TAOK1: variants seen among roughly 807,000 people sequenced by gnomAD.
TAOK1 encodes serine/threonine-protein kinase TAO1.
Under a neutral mutation model 138.3 loss-of-function variants are expected in TAOK1, and 21 were observed. The observed-to-expected ratio is 0.15, with a 90% CI of 0.11 to 0.22. TAOK1 has a LOEUF of 0.22. TAOK1 is among the 10% of genes least tolerant of loss of function. TAOK1 has a pLI of 1.00. For missense variants in TAOK1, 651 were observed against 1,227.7 expected (o/e 0.53, Z 7.02); for synonymous variants, 361 against 398.4 (o/e 0.91, Z 1.12).
chr17:29,447,660 T>TGTTA (rs2030122632), intron 1 of TAOK1, among the ~76,000 whole-genome samples: 1 of 147,480 alleles, frequency 6.8e-6, no homozygotes, highest in African/African-American at 2.4e-5. Flanking sequence ...TTTTATTTTA[T>TGTTA]TTTTTTTTTT....
At chr17:29,397,626 A>ATACG (rs1555555321) in intron 1 of TAOK1, among the ~76,000 whole-genome samples, 1 of 107,460 alleles carries the variant, frequency 9.3e-6, no homozygotes, top group African/African-American at 4.3e-5. Context: ...ATATATATAT[A>ATACG]TATACATGTA....
At chr17:29,510,513 T>C (rs1177846442) in intron 14 of TAOK1, among the ~76,000 whole-genome samples, 1 of 152,204 alleles carries the variant, frequency 6.6e-6, no homozygotes, top group Non-Finnish European at 1.5e-5. Flanking sequence ...ACAATGAACA[T>C]GTATTGCATA....
chr17:29,492,468 A>T (rs1183227637), intron 10 of TAOK1, among the ~76,000 whole-genome samples: 1 of 152,224 alleles, frequency 6.6e-6, no homozygotes, highest in Non-Finnish European at 1.5e-5. Flanking sequence ...ATTTTAATTC[A>T]TGTGGAACAA....
chr17:29,455,731 T>G (rs937215329), intron 2 of TAOK1, among the ~76,000 whole-genome samples: 2 of 24,338 alleles, frequency 8.2e-5, no homozygotes, highest in African/African-American at 4.6e-4. Flanking sequence ...GATCATGTGT[T>G]TTTTTTTTCC....
intron 10 of TAOK1, among the ~76,000 whole-genome samples, chr17:29,492,627 A>C (rs971184178): frequency 2.0e-5 from 3 of 151,380 alleles, no homozygotes; most frequent in African/African-American, 7.3e-5. Flanking sequence ...CCCCGTCTCT[A>C]CTGAAAATAC....
chr17:29,498,458 G>C lies in TAOK1; in HGVS notation c.1140G>C (p.Glu380Asp), dbSNP rs2153028269. 1 of 1,614,184 alleles carries C rather than the reference G, an allele frequency of 6.2e-7. No homozygotes were observed. Among genetic ancestry groups the C allele is most frequent in the East Asian group, 2.2e-5 (1 of 44,888 alleles). ...SLPDVSDDKS[E>D]LDMMEGDHTV... ...CAGATGTCTCAGATGACAAGAGTGA[G>C]CTAGACATGATGGAGGGAGACCACA... The change falls in exon 12 of 20, where the codon GAG (glutamate) becomes GAC (aspartate). Residue 380 changes from glutamate (E) to aspartate (D), a missense_variant. Physicochemically the swap from Glu to Asp is conservative, Grantham distance 45. Transcript: ENST00000261716.
At chr17:29,463,274 C>CA (rs2030573426) in intron 2 of TAOK1, among the ~76,000 whole-genome samples, 1 of 151,966 alleles carries the variant, frequency 6.6e-6, no homozygotes, top group East Asian at 1.9e-4. Context: ...ATACTATATA[C>CA]AAAAATTAAC....
intron 5 of TAOK1, 29 bp downstream of exon 5, chr17:29,477,735 A>G (rs1196479788): frequency 2.3e-6 from 3 of 1,297,154 alleles, no homozygotes; most frequent in Admixed American, 2.5e-5. Context: ...TTTTTTAAAA[A>G]GTATTCACAG....
chr17:29,454,102 C>T (rs542677900), intron 2 of TAOK1, among the ~76,000 whole-genome samples: 24 of 152,010 alleles, frequency 1.6e-4, no homozygotes, highest in African/African-American at 5.5e-4. Context: ...TAGGTGTGAG[C>T]CACCACACCT....
At chr17:29,504,620 A>G (rs2031598431) in intron 13 of TAOK1, among the ~76,000 whole-genome samples, 1 of 152,124 alleles carries the variant, frequency 6.6e-6, no homozygotes, top group Non-Finnish European at 1.5e-5. Context: ...GAGTGAGCTG[A>G]GATCGCACTA....
intron 12 of TAOK1, among the ~76,000 whole-genome samples, chr17:29,502,047 A>G (rs1180500300): frequency 6.6e-6 from 1 of 152,200 alleles, no homozygotes; most frequent in African/African-American, 2.4e-5. Flanking sequence ...CTCAAACAAC[A>G]AACAAATCAA....
chr17:29,544,768 T>G lies in TAOK1; in HGVS notation c.*1746T>G, dbSNP rs1166279906. ...TTGTCCTGCTCCCTTCCAAGTTGTC[T>G]TGAAGAATCCTTGCTGCTAACTCTG... On this transcript the variant is annotated 3_prime_UTR_variant, in exon 20 of 20. Transcript: ENST00000261716. The G allele has an allele frequency of 6.6e-6, 1 of 152,258 alleles. No individual in the cohort carries two copies. The highest frequency in any genetic ancestry group is 2.4e-5 in the African/African-American group (1 of 41,476). 9.4% of individuals were successfully genotyped at this position (152,258 alleles called of 1,614,324 possible).
intron 18 of TAOK1, 128 bp from the exon 19 acceptor site, chr17:29,533,990 G>C: frequency 1.0e-6 from 1 of 991,048 alleles, no homozygotes; most frequent in Non-Finnish European, 1.4e-6. Flanking sequence ...AGATACAAGA[G>C]AGAAAAATTG....
chr17:29,470,368 A>G (rs1332750333), intron 3 of TAOK1, among the ~76,000 whole-genome samples: 1 of 152,186 alleles, frequency 6.6e-6, no homozygotes, highest in Admixed American at 6.5e-5. Context: ...GTGAACTTTT[A>G]TATATAATAG....
intron 2 of TAOK1, among the ~76,000 whole-genome samples, chr17:29,452,073 C>T (rs1340184691): frequency 8.6e-5 from 13 of 151,884 alleles, no homozygotes; most frequent in South Asian, 4.2e-4. Flanking sequence ...AAACTTAGCC[C>T]GGTGTGGTGG....
At chr17:29,533,684 T>TA (rs2032170252) in intron 18 of TAOK1, among the ~76,000 whole-genome samples, 1 of 151,504 alleles carries the variant, frequency 6.6e-6, no homozygotes, top group Non-Finnish European at 1.5e-5. Flanking sequence ...ACCAAAAAAA[T>TA]ACGAAAACCA....
At chr17:29,467,240 G>T in intron 3 of TAOK1, 24 bp downstream of exon 3, 2 of 1,435,240 alleles carry the variant, frequency 1.4e-6, no homozygotes, top group South Asian at 1.3e-5. Flanking sequence ...GTACATTCTT[G>T]TTTTTTTCTT....
At chr17:29,467,937 C>T (rs1381909311) in intron 3 of TAOK1, among the ~76,000 whole-genome samples, 1 of 151,320 alleles carries the variant, frequency 6.6e-6, no homozygotes, top group Non-Finnish European at 1.5e-5. Context: ...AGCAGTTCCC[C>T]TGCTTCAGCC....
At chr17:29,411,352 A>G (rs1905139559) in intron 1 of TAOK1, among the ~76,000 whole-genome samples, 1 of 151,564 alleles carries the variant, frequency 6.6e-6, no homozygotes, top group South Asian at 2.1e-4. Context: ...CGGCCTCCCA[A>G]AGTGCTGGGA....
Sources: gnomAD v4.1 joint callset for allele counts (sites outside exome capture counted in the v4.1 genomes callset) on GRCh38, gnomAD v4.1.1 for gene constraint, MANE v1.5 for transcripts, NCBI Gene and HGNC (gene_info 2026-07-23, HGNC 2026-07-21) for gene names.